ATG5: variants seen among roughly 807,000 people sequenced by gnomAD.
ATG5 encodes the protein autophagy protein 5.
A neutral mutation model predicts 36.5 loss-of-function variants in ATG5; 14 were observed. The ratio of observed to expected loss-of-function variants is 0.38; its 90% CI spans 0.25 to 0.60. The LOEUF (loss-of-function observed/expected upper bound fraction) is 0.60. Among genes scored for constraint, ATG5 ranks in the 20% least tolerant of loss-of-function variants. The pLI is 0.60. For synonymous variants in ATG5, 95 were observed against 101.5 expected, an observed-to-expected ratio of 0.94 and a Z score of 0.38; for missense variants, 195 against 326.7, an observed-to-expected ratio of 0.60 and a Z score of 3.11.
chr6:106,187,744 C>A (rs1165081031), intron 7 of ATG5, among the ~76,000 whole-genome samples: 1 of 152,122 alleles, frequency 6.6e-6, no homozygotes, highest in Non-Finnish European at 1.5e-5. Context: ...GCAAAATGAG[C>A]TGATGATGTA....
intron 5 of ATG5, among the ~76,000 whole-genome samples, chr6:106,249,901 C>T (rs1778500931): frequency 6.6e-6 from 1 of 152,214 alleles, no homozygotes; most frequent in South Asian, 2.1e-4. Flanking sequence ...ATTTGTGCAT[C>T]TTTGCAGAAA....
At chr6:106,208,051 C>A (rs1776705939) in intron 6 of ATG5, among the ~76,000 whole-genome samples, 1 of 152,172 alleles carries the variant, frequency 6.6e-6, no homozygotes, top group Admixed American at 6.5e-5. Context: ...GAAATCGCGC[C>A]ACTGCACTCT....
At position 106,259,406 on chromosome 6, in the gene ATG5, T is replaced by A. The variant is rs566612624; in HGVS notation, c.479-11162A>T. ...AAGTTATTAAAATTTGAAATTATCCTCCCAGTGTTTCTCAAATTTTTTCAT... is the reference window on the plus strand; with the variant it reads ...AAGTTATTAAAATTTGAAATTATCCACCCAGTGTTTCTCAAATTTTTTCAT... On this transcript the variant is annotated intron_variant, in intron 5 of 7. Coordinates refer to ENST00000369076, the MANE Select transcript of ATG5 (RefSeq NM_004849.4). Among the ~76,000 whole-genome samples the A allele has an allele frequency of 4.6e-5, 7 of 152,328 alleles. 1 individual carries two copies. In the South Asian group the frequency reaches 1.5e-3, roughly 32 times the overall value.
At chr6:106,277,275 G>A (rs1382701751) in intron 5 of ATG5, among the ~76,000 whole-genome samples, 7 of 152,094 alleles carry the variant, frequency 4.6e-5, no homozygotes, top group African/African-American at 1.7e-4. Flanking sequence ...GTTTTCTTCT[G>A]TTTTATTCTA....
intron 5 of ATG5, among the ~76,000 whole-genome samples, chr6:106,274,825 AT>A (rs1481305789): frequency 1.3e-5 from 2 of 152,210 alleles, no homozygotes; most frequent in Non-Finnish European, 2.9e-5. Flanking sequence ...GGATACAAAA[AT>A]GTAAGATGTA....
chr6:106,202,645 G>C (rs753005409), intron 6 of ATG5, among the ~76,000 whole-genome samples: 11 of 152,136 alleles, frequency 7.2e-5, no homozygotes, highest in Non-Finnish European at 1.3e-4. Flanking sequence ...GAAGTGCCAT[G>C]ATATCCAAAA....
chr6:106,248,138 G>T lies in ATG5; in HGVS notation c.573+12C>A. 1 of 1,560,278 alleles carries T rather than the reference G, an allele frequency of 6.4e-7. No homozygotes were observed. The highest frequency in any genetic ancestry group is 8.8e-7 in the Non-Finnish European group (1 of 1,131,762). On this transcript the variant is annotated intron_variant, in intron 6 of 7. Transcript: ENST00000369076. ...TTCATAAATGGATGTTTTTTAAAAT[G>T]TTATTTCCTACCTGATATATTCTAA... is the stretch of plus-strand genomic sequence containing the variant.
At chr6:106,251,576 C>T (rs185780171) in intron 5 of ATG5, among the ~76,000 whole-genome samples, 26 of 79,126 alleles carry the variant, frequency 3.3e-4, no homozygotes, top group Admixed American at 2.0e-3. Flanking sequence ...CTTATAGAAA[C>T]GCTATATTCT....
At chr6:106,273,538 T>A (rs1223991831) in intron 5 of ATG5, among the ~76,000 whole-genome samples, 2 of 152,268 alleles carry the variant, frequency 1.3e-5, no homozygotes, top group East Asian at 3.9e-4. Flanking sequence ...CACCTTCGTA[T>A]TTGTAATAAA....
At chr6:106,204,095 G>C (rs531135957) in intron 6 of ATG5, among the ~76,000 whole-genome samples, 2 of 152,276 alleles carry the variant, frequency 1.3e-5, no homozygotes, top group East Asian at 3.9e-4. Context: ...GGGGCTAGGG[G>C]AGGGATAGCA....
intron 5 of ATG5, among the ~76,000 whole-genome samples, chr6:106,275,965 A>T (rs1779628657): frequency 6.6e-6 from 1 of 152,166 alleles, no homozygotes; most frequent in Non-Finnish European, 1.5e-5. Context: ...GGTTCCAGTA[A>T]ATCTTTATTT....
chr6:106,302,384 G>A (rs931824332), intron 3 of ATG5, among the ~76,000 whole-genome samples: 3 of 152,042 alleles, frequency 2.0e-5, no homozygotes, highest in Admixed American at 2.0e-4. Context: ...GCTTTATACT[G>A]TAGATGATGG....
chr6:106,284,118 T>C (rs752731856), intron 4 of ATG5, among the ~76,000 whole-genome samples: 1 of 152,228 alleles, frequency 6.6e-6, no homozygotes, highest in Non-Finnish European at 1.5e-5. Context: ...TGAACATTCA[T>C]GTATAAGCTT....
intron 6 of ATG5, among the ~76,000 whole-genome samples, chr6:106,230,864 A>G (rs1286970034): frequency 6.6e-6 from 1 of 152,210 alleles, no homozygotes; most frequent in African/African-American, 2.4e-5. Flanking sequence ...CCTCTTTTGT[A>G]GAAAAGAAGG....
At chr6:106,274,450 A>G (rs950263395) in intron 5 of ATG5, among the ~76,000 whole-genome samples, 4 of 152,182 alleles carry the variant, frequency 2.6e-5, no homozygotes, top group Non-Finnish European at 5.9e-5. Flanking sequence ...TTAGCATTTG[A>G]AAGTATTCAA....
At chr6:106,302,651 C>T (rs191655264) in intron 3 of ATG5, among the ~76,000 whole-genome samples, 42 of 151,956 alleles carry the variant, frequency 2.8e-4, no homozygotes, top group Admixed American at 2.8e-3. Context: ...AGAGTGGAGA[C>T]GAACATCAAC....
intron 6 of ATG5, among the ~76,000 whole-genome samples, chr6:106,205,451 G>A (rs1776593257): frequency 6.6e-6 from 1 of 152,144 alleles, no homozygotes; most frequent in African/African-American, 2.4e-5. Context: ...AATGCTTGAG[G>A]TGGTGAATAT....
intron 4 of ATG5, among the ~76,000 whole-genome samples, chr6:106,289,887 A>G (rs1582659322): frequency 1.3e-5 from 2 of 152,210 alleles, no homozygotes; most frequent in East Asian, 3.8e-4. Flanking sequence ...ATATTCTACA[A>G]TATGTTGTTT....
intron 5 of ATG5, among the ~76,000 whole-genome samples, chr6:106,258,729 GT>G (rs1778897401): frequency 6.6e-6 from 1 of 152,124 alleles, no homozygotes; most frequent in African/African-American, 2.4e-5. Context: ...AACATTCAAT[GT>G]TCAGCCAATT....
Sources: allele counts gnomAD v4.1 joint callset (sites outside exome capture counted in the v4.1 genomes callset), GRCh38; gene constraint gnomAD v4.1.1; transcripts MANE v1.5; gene names NCBI Gene and HGNC (gene_info 2026-07-23, HGNC 2026-07-21).